USP42: variants seen among roughly 807,000 people sequenced by gnomAD.
USP42 encodes ubiquitin carboxyl-terminal hydrolase 42.
Under a neutral mutation model 113.0 loss-of-function variants are expected in USP42, and 23 were observed. The ratio of observed to expected loss-of-function variants is 0.20; its 90% CI spans 0.15 to 0.29. The LOEUF is 0.29. USP42 is among the 10% of genes least tolerant of loss of function. USP42 has a pLI of 1.00. For synonymous variants in USP42, 933 were observed against 699.0 expected, an observed-to-expected ratio of 1.33 and a Z score of -5.28; for missense variants, 2,174 against 1,779.8, an observed-to-expected ratio of 1.22 and a Z score of -3.99.
At position 6,145,467 on chromosome 7, in the gene USP42, A is replaced by G. The variant is rs764575757; in HGVS notation, c.991-49A>G. The G allele has an allele frequency of 3.7e-6, 6 of 1,611,310 alleles. No homozygotes were observed. In the South Asian group the frequency reaches 5.5e-5, roughly 15 times the overall value. ...AAGTACCCTCTACCTGAATATGTGG[A>G]ATGATCTGTGCCCTCGGAAATGTTT... On this transcript the variant is annotated intron_variant, in intron 9 of 17. Coordinates refer to ENST00000306177, the MANE Select transcript of USP42 (RefSeq NM_032172.3).
the USP42 span, among the ~76,000 whole-genome samples, chr7:6,081,430 G>T: frequency 6.6e-6 from 1 of 152,116 alleles, no homozygotes; most frequent in Non-Finnish European, 1.5e-5. Flanking sequence ...TTGCGCTCGC[G>T]GGCCCCAGAA....
At position 6,115,319 on chromosome 7, in the gene USP42, C is replaced by G. The variant is rs1412046677; in HGVS notation, c.242-4C>G. 4 of 1,613,456 alleles carry G rather than the reference C, an allele frequency of 2.5e-6. No homozygotes were observed. Among genetic ancestry groups the G allele is most frequent in the African/African-American group, 1.3e-5 (1 of 74,920 alleles). On this transcript the variant is annotated splice_region_variant and splice_polypyrimidine_tract_variant and intron_variant, in intron 2 of 17. Coordinates refer to ENST00000306177, the MANE Select transcript of USP42 (RefSeq NM_032172.3). ...TTCTGACTCTTTCTTGTTTATTTTT[C>G]TAGCCCTAGGTGATGGCATCGCTCC... is the stretch of plus-strand genomic sequence containing the variant.
intron 3 of USP42, among the ~76,000 whole-genome samples, chr7:6,130,795 A>G (rs182480694): frequency 8.5e-5 from 13 of 152,292 alleles, no homozygotes; most frequent in Non-Finnish European, 1.6e-4. Flanking sequence ...CAGGAAGACA[A>G]AGATTTTATG....
chr7:6,142,619 A>G (rs1172656599), intron 7 of USP42, among the ~76,000 whole-genome samples: 2 of 152,160 alleles, frequency 1.3e-5, no homozygotes, highest in African/African-American at 2.4e-5. Flanking sequence ...ATGACAGCTC[A>G]TACCTGTAAT....
chr7:6,124,856 C>CT lies in USP42; in HGVS notation c.442+9336dup, dbSNP rs370093706. On this transcript the variant is annotated intron_variant, in intron 3 of 17. Coordinates refer to ENST00000306177, the MANE Select transcript of USP42 (RefSeq NM_032172.3). ...TCATGGTGGTTACTTTAGGTTATAT[C>CT]TTTAACGTATCAGTTTACCTTCAAA... Among the ~76,000 whole-genome samples, 953 of 151,902 alleles carry CT rather than the reference C, an allele frequency of 6.3e-3. 13 individuals are homozygous for CT. The highest frequency in any genetic ancestry group is 0.022 in the African/African-American group (922 of 41,396).
intron 3 of USP42, among the ~76,000 whole-genome samples, chr7:6,128,784 C>CA (rs1179654900): frequency 6.6e-6 from 1 of 151,984 alleles, no homozygotes; most frequent in African/African-American, 2.4e-5. Context: ...AAGTGTTTTT[C>CA]AAAATTACAT....
chr7:6,123,707 G>T (rs1242302243), intron 3 of USP42, among the ~76,000 whole-genome samples: 2 of 151,592 alleles, frequency 1.3e-5, no homozygotes, highest in Non-Finnish European at 2.9e-5. Context: ...AATTAGCTAG[G>T]CGTGGTGGTG....
chr7:6,114,636 GTATATATGTATGTGTGTGTGTATATA>G, intron 2 of USP42, among the ~76,000 whole-genome samples: 1 of 117,598 alleles, frequency 8.5e-6, no homozygotes, highest in South Asian at 2.9e-4. Flanking sequence ...ACGTGTGTGT[GTATATATGTATGTGTGTGTGTATATA>G]TATATATATA....
intron 3 of USP42, among the ~76,000 whole-genome samples, chr7:6,128,938 A>G (rs535036399): frequency 6.6e-6 from 1 of 152,086 alleles, no homozygotes; most frequent in African/African-American, 2.4e-5. Context: ...CTCCTGCCTC[A>G]GCCCCGCAAG....
At chr7:6,096,143 C>T in the USP42 span, among the ~76,000 whole-genome samples, 19 of 151,004 alleles carry the variant, frequency 1.3e-4, no homozygotes, top group Non-Finnish European at 2.6e-4. Flanking sequence ...AGACAGCTAA[C>T]CTCAGTCTTC....
At position 6,160,868 on chromosome 7, in the gene USP42, A is replaced by AAGTT. The variant is rs1378775890; in HGVS notation, c.*353_*356dup. On this transcript the variant is annotated 3_prime_UTR_variant, in exon 18 of 18. Coordinates refer to ENST00000306177, the MANE Select transcript of USP42 (RefSeq NM_032172.3). ...CTTGTATTTCATGTAATGTTCCTCC[A>AAGTT]AGTTAGACATCTGGTGCAAGACCAA... 2.6e-4 allele frequency: 39 copies of AAGTT among 152,766 alleles called. No homozygotes were observed. The highest frequency in any genetic ancestry group is 2.2e-3 in the Admixed American group (33 of 15,282). 9.5% of individuals were successfully genotyped at this position (152,766 alleles called of 1,614,324 possible).
At chr7:6,126,451 ATT>A (rs1780549225) in intron 3 of USP42, among the ~76,000 whole-genome samples, 1 of 151,578 alleles carries the variant, frequency 6.6e-6, no homozygotes, top group South Asian at 2.1e-4. Context: ...CGCCTGGCTA[ATT>A]TTTTTTGTAT....
the USP42 span, among the ~76,000 whole-genome samples, chr7:6,091,864 G>C: frequency 3.3e-5 from 5 of 150,750 alleles, no homozygotes; most frequent in South Asian, 8.3e-4. Context: ...TGGGACTACA[G>C]GGGTGCACCA....
chr7:6,160,389 A>G (rs1047353811), intron 17 of USP42, among the ~76,000 whole-genome samples, 166 bp from the exon 18 acceptor site: 9 of 151,472 alleles, frequency 5.9e-5, no homozygotes, highest in African/African-American at 2.0e-4. Context: ...AGCTGCCCGC[A>G]CCGCCAGTTC....
intron 3 of USP42, among the ~76,000 whole-genome samples, chr7:6,131,774 C>A (rs1206642752): frequency 6.6e-6 from 1 of 152,178 alleles, no homozygotes; most frequent in East Asian, 1.9e-4. Flanking sequence ...CTTTCTCTTT[C>A]TACCTTTCAC....
At chr7:6,145,428 T>TC (rs1781663343) in intron 9 of USP42, 88 bp from the exon 10 acceptor site, 2 of 1,530,986 alleles carry the variant, frequency 1.3e-6, no homozygotes, top group Admixed American at 3.4e-5. Flanking sequence ...GGGTCTCCCC[T>TC]CCTAGGAAGC....
chr7:6,101,744 G>T (rs147641760), upstream of USP42, among the ~76,000 whole-genome samples: 12 of 151,166 alleles, frequency 7.9e-5, no homozygotes, highest in Admixed American at 3.9e-4. Flanking sequence ...CAACCTTAGA[G>T]CCTGTTCTGG....
chr7:6,099,299 AG>A, the USP42 span, among the ~76,000 whole-genome samples: 44 of 134,456 alleles, frequency 3.3e-4, 6 homozygotes, highest in South Asian at 1.1e-3. Flanking sequence ...ATTGCAACCT[AG>A]GCCTCCCAGG....
At position 6,123,604 on chromosome 7, in the gene USP42, A is replaced by G. The variant is rs370713748; in HGVS notation, c.442+8081A>G. Among the ~76,000 whole-genome samples, 451 of 152,252 alleles carry G rather than the reference A, an allele frequency of 3.0e-3. 3 individuals are homozygous for G. Among genetic ancestry groups the G allele is most frequent in the South Asian group, 0.021 (99 of 4,828 alleles). On this transcript the variant is annotated intron_variant, in intron 3 of 17. Transcript: ENST00000306177. ...ATAAACCCCGGGAGGCAGAGCCTGC[A>G]GTGAGCCGAGATCGCGCCACTGCAC...
Sources: allele counts gnomAD v4.1 joint callset (sites outside exome capture counted in the v4.1 genomes callset), GRCh38; gene constraint gnomAD v4.1.1; transcripts MANE v1.5; gene names NCBI Gene and HGNC (gene_info 2026-07-23, HGNC 2026-07-21).